P3H3: variants seen among roughly 807,000 people sequenced by gnomAD.
P3H3 encodes prolyl 3-hydroxylase 3.
In P3H3, 64 loss-of-function variants were observed where a neutral mutation model predicts 78.1. The observed-to-expected ratio is 0.82, with a 90% CI of 0.67 to 1.01. The LOEUF (loss-of-function observed/expected upper bound fraction) is 1.01, where lower values mean the gene tolerates loss of function less well. Among genes scored for constraint, P3H3 ranks in the 50% least tolerant of loss-of-function variants. The pLI, the probability that P3H3 is intolerant of heterozygous loss-of-function variation, is 0.00. For synonymous variants in P3H3, 425 were observed against 416.7 expected (o/e 1.02, Z -0.24); for missense variants, 975 against 982.2 (o/e 0.99, Z 0.10).
intron 9 of P3H3, among the ~76,000 whole-genome samples, chr12:6,834,436 G>T (rs1360786521): frequency 6.6e-6 from 1 of 152,110 alleles, no homozygotes; most frequent in African/African-American, 2.4e-5. Flanking sequence ...CCAGGTTGAG[G>T]CTACCATTTT....
rs782248615 is a variant in P3H3, at chr12:6,831,880, C to T, written c.1178C>T (p.Ala393Val). 1.6e-5 allele frequency: 25 copies of T among 1,607,314 alleles called. No individual in the cohort carries two copies. In the Middle Eastern group the frequency reaches 5.0e-4, roughly 32 times the overall value. The change falls in exon 6 of 15, where the codon GCC becomes GTC. Residue 393 changes from alanine (A) to valine (V), a missense_variant. Transcript: ENST00000290510. This position sits in a 1 kb window ranked among gnomAD's most constrained non-coding sequence, Gnocchi z 4.6. ...GGGGAGAAGAGGCAGCTCTACTATG[C>T]CATGGAGCACCTGGGGACCAGCTTC... ...SLGEKRQLYYAMEHLGTSFKD... is the reference protein window; with the variant it reads ...SLGEKRQLYYVMEHLGTSFKD...
chr12:6,837,655 C>G (rs782139701), intron 11 of P3H3, 77 bp from the exon 12 acceptor site: 1 of 1,578,414 alleles, frequency 6.3e-7, no homozygotes, highest in East Asian at 2.3e-5. Flanking sequence ...CCGGGGTGGA[C>G]GTGCACGGCC....
chr12:6,828,637 G>A lies in P3H3; in HGVS notation c.197G>A (p.Ser66Asn), dbSNP rs1293604191. Reference sequence around the variant, plus strand: ...GCGCTGCTGCGGGAGGCGCTGCGGAGCCAGGCGGCGCTGGGCCGGGTGCGG... The same window carrying A: ...GCGCTGCTGCGGGAGGCGCTGCGGAACCAGGCGGCGCTGGGCCGGGTGCGG... ...AVALLREALR[S>N]QAALGRVRLD... Residue 66 changes from serine (S) to asparagine (N), a missense_variant, in exon 1 of 15, where the codon AGC becomes AAC. Coordinates refer to ENST00000290510, the MANE Select transcript of P3H3 (RefSeq NM_014262.5). 34 of 1,215,858 alleles carry A rather than the reference G, an allele frequency of 2.8e-5. No individual in the cohort carries two copies. The highest frequency in any genetic ancestry group is 4.7e-5 in the African/African-American group (3 of 63,450). The allele number at this position is 1,215,858 out of a possible 1,614,324, so 75.3% of individuals were successfully genotyped here. A position where few individuals can be genotyped will look rare whatever the true frequency, so the allele number is the denominator to read the frequency against.
In P3H3 at chr12:6,830,399, G is replaced by A. The variant is rs782209736; in HGVS notation, c.698G>A (p.Gly233Glu). 5.7e-6 allele frequency: 9 copies of A among 1,589,178 alleles called. No homozygotes were observed. The East Asian group carries it at 1.8e-4, about 32-fold the overall frequency. The change falls in exon 3 of 15, where the codon GGA becomes GAA. Residue 233 changes from glycine to glutamate, a missense_variant. Coordinates refer to ENST00000290510, the MANE Select transcript of P3H3 (RefSeq NM_014262.5). The stretch of plus-strand genomic sequence containing the variant: ...GAGCTACTGGGGCGCCAGGAGGCAG[G>A]ACTGGCACTGCCCAGGCTAGAGGAG... Reference protein sequence around the residue: ...GLELLGRQEAGLALPRLEEAL... With the variant: ...GLELLGRQEAELALPRLEEAL...
At chr12:6,835,985 G>A (rs1943492036) in intron 9 of P3H3, among the ~76,000 whole-genome samples, 1 of 152,200 alleles carries the variant, frequency 6.6e-6, no homozygotes, top group African/African-American at 2.4e-5. Context: ...CAGCACTTTG[G>A]GAGGCTGAGG....
intron 9 of P3H3, 136 bp downstream of exon 9, chr12:6,834,185 G>C: frequency 7.5e-7 from 1 of 1,338,252 alleles, no homozygotes; most frequent in South Asian, 1.4e-5. Context: ...CTGCCTCTCA[G>C]CTGTGGATAA....
intron 10 of P3H3, 83 bp downstream of exon 10, chr12:6,837,169 G>A: frequency 7.9e-7 from 1 of 1,272,474 alleles, no homozygotes; most frequent in South Asian, 1.3e-5. Context: ...CAGGGCCTGG[G>A]CTTTTGTGAA....
Position 6,839,160 on chromosome 12 carries a change from G to C in P3H3, c.2046+20G>C. The stretch of plus-strand genomic sequence containing the variant: ...GAGCAGGTAAGGAGCGGGGTAGGAA[G>C]GGATGTGGTTCTCCTGGTGCGTGAA... On this transcript the variant is annotated intron_variant, in intron 14 of 14. Coordinates refer to ENST00000290510, the MANE Select transcript of P3H3 (RefSeq NM_014262.5). 1 of 1,587,100 alleles carries C rather than the reference G, an allele frequency of 6.3e-7. No homozygotes were observed. Among genetic ancestry groups the C allele is most frequent in the Non-Finnish European group, 8.6e-7 (1 of 1,168,678 alleles).
Position 6,831,001 on chromosome 12 carries a change from C to G in P3H3, c.986-215C>G, listed in dbSNP as rs1208285061. 1.2e-6 allele frequency: 1 copy of G among 826,864 alleles called. No homozygotes were observed. The highest frequency in any genetic ancestry group is 2.0e-6 in the Non-Finnish European group (1 of 493,680). 51.2% of individuals were successfully genotyped at this position (826,864 alleles called of 1,614,324 possible). Reference sequence around the variant, plus strand: ...GCTTCTCACCTTCCTTTATTTTCCCCCCTCTTGCTCTTCTTTGAACTCTCC... The same window carrying G: ...GCTTCTCACCTTCCTTTATTTTCCCGCCTCTTGCTCTTCTTTGAACTCTCC... On this transcript the variant is annotated intron_variant, in intron 4 of 14. Transcript: ENST00000290510. This position sits in a 1 kb window ranked among gnomAD's most constrained non-coding sequence, Gnocchi z 4.6.
intron 11 of P3H3, 21 bp downstream of exon 11, chr12:6,837,594 T>C (rs1410524794): frequency 1.2e-6 from 2 of 1,609,178 alleles, no homozygotes; most frequent in Non-Finnish European, 1.7e-6. Context: ...GACCCCCCAC[T>C]GCTCTTCTCC....
In P3H3 at chr12:6,829,849, GCCT is replaced by G; in HGVS notation, c.499-5_499-3del. ...AGGGCTCTGATGCCCTCCTCCCTTC[GCCT>G]CCTCAGTTGAAGAAGCTGGATCTGG... On this transcript the variant is annotated splice_polypyrimidine_tract_variant and splice_region_variant and intron_variant, in intron 1 of 14. Coordinates refer to ENST00000290510, the MANE Select transcript of P3H3 (RefSeq NM_014262.5). This position sits in a 1 kb window ranked among gnomAD's most constrained non-coding sequence, Gnocchi z 5.1. 1 of 1,613,826 alleles carries G rather than the reference GCCT, an allele frequency of 6.2e-7. No individual in the cohort carries two copies. The highest frequency in any genetic ancestry group is 8.5e-7 in the Non-Finnish European group (1 of 1,179,862).
rs782173191 is a variant in P3H3 at position 6,837,470 on chromosome 12, G to A, written c.1608G>A (p.Leu536=). 5.0e-6 allele frequency: 8 copies of A among 1,611,796 alleles called. No individual in the cohort carries two copies. In the Admixed American group the frequency reaches 8.4e-5, roughly 17 times the overall value. Residue 536 remains leucine (L), a synonymous_variant, in exon 11 of 15, where the codon CTG becomes CTA. Coordinates refer to ENST00000290510, the MANE Select transcript of P3H3 (RefSeq NM_014262.5). The part of the protein sequence containing the change: ...TVGSQGAKLL[L]EVSERVRTLT... Reference sequence around the variant, plus strand: ...GCAGTCAGGGTGCTAAGCTGCTTCTGGAGGTGAGCGAGCGGGTGCGGACCT... The same window carrying A: ...GCAGTCAGGGTGCTAAGCTGCTTCTAGAGGTGAGCGAGCGGGTGCGGACCT...
Position 6,830,563 on chromosome 12 carries a change from C to A in P3H3, c.853+9C>A. The A allele has an allele frequency of 6.3e-7, 1 of 1,575,544 alleles. No individual in the cohort carries two copies. Among genetic ancestry groups the A allele is most frequent in the Non-Finnish European group, 8.6e-7 (1 of 1,160,828 alleles). ...CTATGAGGCCATTGCAGGTAAGGGT[C>A]CCGTGTGTGAGGGGGTGGGTCGGTG... On this transcript the variant is annotated intron_variant, in intron 3 of 14. Transcript: ENST00000290510.
At position 6,829,681 on chromosome 12, in the gene P3H3, G is replaced by A. The variant is rs1366159759; in HGVS notation, c.499-178G>A. On this transcript the variant is annotated intron_variant, in intron 1 of 14. Transcript: ENST00000290510. The surrounding 1 kb of genome is among the most constrained non-coding windows in gnomAD (Gnocchi z 5.1). The stretch of plus-strand genomic sequence containing the variant: ...GTGCCAGCCTTCTGAGAGTCCCAAC[G>A]TTCTGGCCTCTAGGGGATCTGCAGT... The A allele has an allele frequency of 3.1e-6, 2 of 653,184 alleles. No homozygotes were observed. Among genetic ancestry groups the A allele is most frequent in the Non-Finnish European group, 5.3e-6 (2 of 374,680 alleles). 40.5% of individuals were successfully genotyped at this position (653,184 alleles called of 1,614,324 possible).
chr12:6,830,843 C>A (rs200631017), intron 4 of P3H3, 73 bp downstream of exon 4: 12 of 1,578,782 alleles, frequency 7.6e-6, no homozygotes, highest in Non-Finnish European at 1.0e-5. Flanking sequence ...ATCTCTCTAT[C>A]CCTCCCATCT....
intron 13 of P3H3, 142 bp downstream of exon 13, chr12:6,838,175 GC>G: frequency 9.0e-7 from 1 of 1,110,554 alleles, no homozygotes; most frequent in African/African-American, 1.6e-5. Flanking sequence ...CAGCCCTCCC[GC>G]TGCTTCCTCC....
rs184062822 is a variant in P3H3 at position 6,831,203 on chromosome 12, G to A, written c.986-13G>A. The A allele has an allele frequency of 1.7e-5, 28 of 1,613,516 alleles. No individual in the cohort carries two copies. Among genetic ancestry groups the A allele is most frequent in the African/African-American group, 9.3e-5 (7 of 74,930 alleles). ...TCATCCCCCAACCCCTGACCTTGTC[G>A]CTCCCTCTCCAGTGGGCAATCTGTC... On this transcript the variant is annotated splice_polypyrimidine_tract_variant and intron_variant, in intron 4 of 14. Coordinates refer to ENST00000290510, the MANE Select transcript of P3H3 (RefSeq NM_014262.5). This position sits in a 1 kb window ranked among gnomAD's most constrained non-coding sequence, Gnocchi z 4.6.
chr12:6,830,483 A>C lies in P3H3; in HGVS notation c.782A>C (p.Glu261Ala), dbSNP rs1555121186. Residue 261 changes from glutamate (E) to alanine (A), a missense_variant, in exon 3 of 15, where the codon GAG (glutamate) becomes GCG (alanine). By Grantham distance (107) the Glu-to-Ala change is moderately radical. Transcript: ENST00000290510. The stretch of plus-strand genomic sequence containing the variant: ...TGCCGTGCTGACTGTGAGGGGCCTG[A>C]GGAGCAGCAGGGGGCTGAAGAAGAG... Reference protein sequence around the residue: ...ESCRADCEGPEEQQGAEEEED... With the variant: ...ESCRADCEGPAEQQGAEEEED... The C allele has an allele frequency of 6.3e-7, 1 of 1,586,172 alleles. No homozygotes were observed. Among genetic ancestry groups the C allele is most frequent in the Non-Finnish European group, 8.6e-7 (1 of 1,167,130 alleles).
In P3H3 at chr12:6,833,599, G is replaced by A. The variant is rs782020250; in HGVS notation, c.1220G>A (p.Trp407Ter). The A allele has an allele frequency of 6.8e-6, 11 of 1,613,860 alleles. No individual in the cohort carries two copies. Among genetic ancestry groups the A allele is most frequent in the South Asian group, 3.3e-5 (3 of 91,080 alleles). The stretch of plus-strand genomic sequence containing the variant: ...TTTTCTGGACTGTCGCAGGACCCCT[G>A]GACCCCTGCAGCTCTCATCCCTGAG... ...LGTSFKDPDP[W>*]TPAALIPEAL... is the part of the protein sequence containing the mutation. The change falls in exon 7 of 15, where the codon TGG (tryptophan) becomes TAG (stop). Residue 407 changes from tryptophan (W) to a stop codon, truncating the protein, a stop_gained. Coordinates refer to ENST00000290510, the MANE Select transcript of P3H3 (RefSeq NM_014262.5). LOFTEE classifies it high-confidence loss of function.
Sources: gnomAD v4.1 joint callset for allele counts (sites outside exome capture counted in the v4.1 genomes callset) on GRCh38, gnomAD v4.1.1 for gene constraint, Gnocchi (gnomAD v3.1) non-coding constraint, MANE v1.5 for transcripts, NCBI Gene and HGNC (gene_info 2026-07-23, HGNC 2026-07-21) for gene names.